MED30: variants seen among roughly 807,000 people sequenced by gnomAD.
MED30 encodes the protein mediator of RNA polymerase II transcription subunit 30.
A neutral mutation model predicts 21.7 loss-of-function variants in MED30; 8 were observed. That is an observed-to-expected ratio of 0.37 (90% CI 0.22 to 0.67). MED30 has a LOEUF of 0.67. MED30 is among the 30% of genes least tolerant of loss of function. The pLI is 0.58. For synonymous variants in MED30, 79 were observed against 86.7 expected (o/e 0.91, Z 0.49); for missense variants, 203 against 228.2 (o/e 0.89, Z 0.71).
chr8:117,527,636 C>CTTTTTTTTTTT (rs3040826), intron 1 of MED30, among the ~76,000 whole-genome samples: 14 of 127,600 alleles, frequency 1.1e-4, no homozygotes, highest in African/African-American at 2.4e-4. Flanking sequence ...TTTTTTCTTT[C>CTTTTTTTTTTT]TTTTTTTTTT....
Position 117,520,828 on chromosome 8 carries a change from C to T in MED30, c.-49C>T. The T allele has an allele frequency of 6.6e-7, 1 of 1,506,886 alleles. No individual in the cohort carries two copies. The highest frequency in any genetic ancestry group is 8.9e-7 in the Non-Finnish European group (1 of 1,124,200). The allele number at this position is 1,506,886 out of a possible 1,614,324, so 93.3% of individuals were successfully genotyped here. ...ACAGCCTCCCAATTCCGGGCAGACC[C>T]CTGACACCTGCTGTCTGGCCCCTTC... On this transcript the variant is annotated 5_prime_UTR_variant, in exon 1 of 4. Transcript: ENST00000297347.
chr8:117,536,456 A>G (rs1257327656), intron 3 of MED30, among the ~76,000 whole-genome samples: 2 of 152,232 alleles, frequency 1.3e-5, no homozygotes, highest in African/African-American at 4.8e-5. Context: ...GTAGATTTAT[A>G]TACCCCTCAG....
At position 117,520,772 on chromosome 8, in the gene MED30, T is replaced by C; in HGVS notation, c.-105T>C. Reference sequence around the variant, plus strand: ...TGTTTTGAAATCGGGCCGCGGGGGGTCTCTCAAGCTGGTTCCAACGCTGAG... The same window carrying C: ...TGTTTTGAAATCGGGCCGCGGGGGGCCTCTCAAGCTGGTTCCAACGCTGAG... On this transcript the variant is annotated 5_prime_UTR_variant, in exon 1 of 4. Coordinates refer to ENST00000297347, the MANE Select transcript of MED30 (RefSeq NM_080651.4). 1 of 1,133,178 alleles carries C rather than the reference T, an allele frequency of 8.8e-7. No individual in the cohort carries two copies. The allele number at this position is 1,133,178 out of a possible 1,614,324, so 70.2% of individuals were successfully genotyped here.
At chr8:117,537,470 T>G (rs1818898893) in intron 3 of MED30, among the ~76,000 whole-genome samples, 1 of 152,184 alleles carries the variant, frequency 6.6e-6, no homozygotes, top group African/African-American at 2.4e-5. Context: ...GATATTTTAT[T>G]TGTATGCTAA....
At chr8:117,533,791 T>C (rs1048371898) in intron 3 of MED30, among the ~76,000 whole-genome samples, 2 of 152,208 alleles carry the variant, frequency 1.3e-5, no homozygotes. Context: ...TGGCTAGGCC[T>C]GCTTTTCAGC....
At chr8:117,523,312 A>G in intron 1 of MED30, 2 of 1,374,140 alleles carry the variant, frequency 1.5e-6, no homozygotes, top group Non-Finnish European at 1.0e-6. Flanking sequence ...TCTAAACTGG[A>G]ATTCGGTTGT....
chr8:117,537,260 C>T (rs1818894499), intron 3 of MED30, among the ~76,000 whole-genome samples: 2 of 152,254 alleles, frequency 1.3e-5, no homozygotes, highest in South Asian at 2.1e-4. Flanking sequence ...CTTACACATT[C>T]GCCTGTTAAT....
At chr8:117,528,130 T>G (rs1818746243) in intron 1 of MED30, among the ~76,000 whole-genome samples, 3 of 152,012 alleles carry the variant, frequency 2.0e-5, no homozygotes, top group African/African-American at 7.2e-5. Flanking sequence ...AGTAAAACTT[T>G]AAATGACAGG....
intron 1 of MED30, among the ~76,000 whole-genome samples, chr8:117,528,446 A>G (rs1263695234): frequency 1.3e-5 from 2 of 151,962 alleles, no homozygotes; most frequent in Non-Finnish European, 2.9e-5. Context: ...GGTCTGTTTT[A>G]TAGCAGTGAA....
intron 1 of MED30, among the ~76,000 whole-genome samples, chr8:117,525,639 A>G (rs1368475476): frequency 1.3e-5 from 2 of 152,066 alleles, no homozygotes; most frequent in Non-Finnish European, 2.9e-5. Flanking sequence ...TCCTTATGGA[A>G]TTTATCCTAT....
At chr8:117,539,299 C>T (rs1279721291) in intron 3 of MED30, among the ~76,000 whole-genome samples, 2 of 152,088 alleles carry the variant, frequency 1.3e-5, no homozygotes, top group African/African-American at 4.8e-5. Context: ...ACCAGCCTGG[C>T]CAACATGGCA....
chr8:117,521,047 C>G lies in MED30; in HGVS notation c.171C>G (p.Asn57Lys). 6.3e-7 allele frequency: 1 copy of G among 1,583,060 alleles called. No individual in the cohort carries two copies. Among genetic ancestry groups the G allele is most frequent in the Non-Finnish European group, 8.6e-7 (1 of 1,160,312 alleles). Residue 57 changes from asparagine to lysine, a missense_variant, in exon 1 of 4, where the codon AAC becomes AAG. Asn to Lys is a moderately conservative substitution (Grantham distance 94). Transcript: ENST00000297347. ...TGGAGATCTTCCAGCTCCTGAGGAA[C>G]ATGCAGGTAGGAAGGCGGGCGCGCG... ...RTMEIFQLLR[N>K]MQLPNGVTYH... is the part of the protein sequence containing the mutation.
chr8:117,525,607 G>A (rs1272279521), intron 1 of MED30, among the ~76,000 whole-genome samples: 2 of 151,800 alleles, frequency 1.3e-5, no homozygotes, highest in Non-Finnish European at 2.9e-5. Context: ...TAAAATTTCA[G>A]CCTTTACATT....
chr8:117,539,401 A>G (rs992320540), intron 3 of MED30, among the ~76,000 whole-genome samples: 1 of 152,072 alleles, frequency 6.6e-6, no homozygotes, highest in Admixed American at 6.5e-5. Context: ...GAAGCAGGAG[A>G]ATCGCTGAAA....
chr8:117,536,618 G>A (rs1818882599), intron 3 of MED30, among the ~76,000 whole-genome samples: 2 of 152,196 alleles, frequency 1.3e-5, no homozygotes, highest in Admixed American at 6.5e-5. Context: ...CTGGTGCTAT[G>A]AAACTTTGAG....
chr8:117,523,949 GT>G (rs1818679430), intron 1 of MED30: 1 of 299,808 alleles, frequency 3.3e-6, no homozygotes, highest in East Asian at 7.0e-5. Context: ...GGAGGTGGCA[GT>G]GAGCCGAGAG....
rs1217719431 is a variant in MED30, at chr8:117,540,128, A to G, written c.*150A>G. The G allele has an allele frequency of 4.5e-6, 2 of 442,866 alleles. No homozygotes were observed. Among genetic ancestry groups the G allele is most frequent in the Non-Finnish European group, 7.8e-6 (2 of 256,448 alleles). The allele number at this position is 442,866 out of a possible 1,614,324, so 27.4% of individuals were successfully genotyped here. A position where few individuals can be genotyped will look rare whatever the true frequency, so the allele number is the denominator to read the frequency against. On this transcript the variant is annotated 3_prime_UTR_variant, in exon 4 of 4. Transcript: ENST00000297347. ...TTTACATTGTGATTTTTACATTAAA[A>G]TATTAACTTTTTTTAATGCTATTTT... is the stretch of plus-strand genomic sequence containing the variant.
At chr8:117,537,658 T>C (rs558519400) in intron 3 of MED30, among the ~76,000 whole-genome samples, 1 of 152,110 alleles carries the variant, frequency 6.6e-6, no homozygotes, top group South Asian at 2.1e-4. Flanking sequence ...TAAAAAAGAG[T>C]ACCAGAATGT....
intron 3 of MED30, among the ~76,000 whole-genome samples, chr8:117,535,819 A>T (rs1818870695): frequency 6.6e-6 from 1 of 152,086 alleles, no homozygotes; most frequent in Admixed American, 6.5e-5. Context: ...ACGGAATCTT[A>T]GCTGGTAACA....
Sources: gnomAD v4.1 joint callset for allele counts (sites outside exome capture counted in the v4.1 genomes callset) on GRCh38, gnomAD v4.1.1 for gene constraint, MANE v1.5 for transcripts, NCBI Gene and HGNC (gene_info 2026-07-23, HGNC 2026-07-21) for gene names.